The following SDK1 variants were observed in gnomAD, a reference collection of about 807,000 sequenced individuals.
SDK1 encodes the protein sidekick cell adhesion molecule 1, also known as protein sidekick-1.
A neutral mutation model predicts 245.5 loss-of-function variants in SDK1; 157 were observed. The ratio of observed to expected loss-of-function variants is 0.64; its 90% CI spans 0.56 to 0.73. The LOEUF (loss-of-function observed/expected upper bound fraction) is 0.73, where lower values mean the gene tolerates loss of function less well. Ranked by LOEUF, SDK1 falls within the 30% of genes least tolerant of loss-of-function variation. The probability of loss-of-function intolerance (pLI) is 0.00; values close to 1 mark genes in which losing one functional copy is unlikely to be tolerated. For missense variants in SDK1, 3,583 were observed against 3,002.3 expected, an observed-to-expected ratio of 1.19 and a Z score of -4.52; for synonymous variants, 1,647 against 1,278.5, an observed-to-expected ratio of 1.29 and a Z score of -6.15.
chr7:4,113,295 A>C lies in SDK1; in HGVS notation c.3441A>C (p.Arg1147=). Reference sequence around the variant, plus strand: ...TCAGTGGTTTTTCCTTTAGATTTCGAATGAAGCAAGTGAACATTGTTGGGC... The same window carrying C: ...TCAGTGGTTTTTCCTTTAGATTTCGCATGAAGCAAGTGAACATTGTTGGGC... ...NLTPYTHYRF[R]MKQVNIVGPS... is the part of the protein sequence containing the mutation. Residue 1147 remains arginine (R), a synonymous_variant, in exon 24 of 45, where the codon CGA becomes CGC. Coordinates refer to ENST00000404826, the MANE Select transcript of SDK1 (RefSeq NM_152744.4). 1 of 1,611,990 alleles carries C rather than the reference A, an allele frequency of 6.2e-7. No homozygotes were observed. Among genetic ancestry groups the C allele is most frequent in the Non-Finnish European group, 8.5e-7 (1 of 1,179,010 alleles).
chr7:4,248,336 C>G (rs1787043763), intron 44 of SDK1, among the ~76,000 whole-genome samples: 1 of 132,380 alleles, frequency 7.6e-6, no homozygotes, highest in Admixed American at 7.5e-5. Context: ...ACATATACAC[C>G]TGAATACATG....
chr7:3,844,953 A>G (rs1780240431), intron 5 of SDK1, among the ~76,000 whole-genome samples: 1 of 152,228 alleles, frequency 6.6e-6, no homozygotes, highest in South Asian at 2.1e-4. Flanking sequence ...TTTATTAGCT[A>G]GGATGTATGT....
intron 38 of SDK1, among the ~76,000 whole-genome samples, chr7:4,213,100 G>A (rs1247231775): frequency 6.6e-6 from 1 of 152,138 alleles, no homozygotes; most frequent in African/African-American, 2.4e-5. Context: ...CCAACATGGT[G>A]AAACCCCGTT....
In SDK1 at chr7:3,641,940, ACTT is replaced by A. The variant is rs1782663428; in HGVS notation, c.566-14_566-12del. ...AAAATGTTTTCTAGAACTTGAAAGCACTTCTTTTTCTCTGCAGATATGGGAAGT... is the reference window on the plus strand; with the variant it reads ...AAAATGTTTTCTAGAACTTGAAAGCACTTTTTCTCTGCAGATATGGGAAGT... On this transcript the variant is annotated splice_polypyrimidine_tract_variant and intron_variant, in intron 3 of 44. Transcript: ENST00000404826. 2 of 1,603,738 alleles carry A rather than the reference ACTT, an allele frequency of 1.2e-6. No homozygotes were observed. Among genetic ancestry groups the A allele is most frequent in the African/African-American group, 1.3e-5 (1 of 74,384 alleles).
chr7:4,106,752 G>A (rs573024422), intron 22 of SDK1, among the ~76,000 whole-genome samples: 43 of 152,112 alleles, frequency 2.8e-4, no homozygotes, highest in African/African-American at 9.4e-4. Context: ...TTTCTCTCCC[G>A]GGCAGCCTCC....
intron 1 of SDK1, among the ~76,000 whole-genome samples, chr7:3,561,244 G>A (rs1779741519): frequency 6.6e-6 from 1 of 152,104 alleles, no homozygotes; most frequent in Non-Finnish European, 1.5e-5. Context: ...TTTCTTCAAG[G>A]GCAGGGGGTT....
At chr7:4,234,053 A>AT (rs1785985092) in intron 41 of SDK1, among the ~76,000 whole-genome samples, 1 of 152,120 alleles carries the variant, frequency 6.6e-6, no homozygotes, top group South Asian at 2.1e-4. Context: ...AGCATGTGTG[A>AT]TTTTGGAGGG....
At chr7:3,678,580 A>G (rs1475332532) in intron 4 of SDK1, among the ~76,000 whole-genome samples, 2 of 152,220 alleles carry the variant, frequency 1.3e-5, no homozygotes, top group Non-Finnish European at 2.9e-5. Flanking sequence ...AGAATACGCA[A>G]ATTCATAAAG....
At chr7:3,535,026 C>T (rs1335083682) in intron 1 of SDK1, among the ~76,000 whole-genome samples, 1 of 152,184 alleles carries the variant, frequency 6.6e-6, no homozygotes, top group Admixed American at 6.5e-5. Flanking sequence ...GTAATCCCAG[C>T]ACTTTGGGAG....
intron 1 of SDK1, among the ~76,000 whole-genome samples, chr7:3,534,166 C>A (rs1470106385): frequency 6.6e-6 from 1 of 152,194 alleles, no homozygotes; most frequent in African/African-American, 2.4e-5. Flanking sequence ...TTCTCTTTGA[C>A]CAGGTTATTT....
At chr7:4,190,315 G>A (rs2128222342) in intron 35 of SDK1, among the ~76,000 whole-genome samples, 1 of 152,300 alleles carries the variant, frequency 6.6e-6, no homozygotes, top group Admixed American at 6.5e-5. Context: ...GGTGGGCTGT[G>A]CTGCGTACAG....
chr7:4,243,408 C>A (rs1786649855), intron 43 of SDK1, among the ~76,000 whole-genome samples: 1 of 152,126 alleles, frequency 6.6e-6, no homozygotes, highest in African/African-American at 2.4e-5. Context: ...AGCAATAGGA[C>A]CCTGTATTCA....
intron 4 of SDK1, among the ~76,000 whole-genome samples, chr7:3,671,664 C>G (rs1003649141): frequency 6.6e-6 from 1 of 152,112 alleles, no homozygotes; most frequent in African/African-American, 2.4e-5. Context: ...AGGAAGTTAA[C>G]TAATCAAACA....
chr7:3,884,083 GTT>G lies in SDK1; in HGVS notation c.847+62514_847+62515del, dbSNP rs529710738. Among the ~76,000 whole-genome samples the G allele has an allele frequency of 6.1e-3, 836 of 136,168 alleles. 6 individuals are homozygous for G. The highest frequency in any genetic ancestry group is 0.022 in the African/African-American group (769 of 34,976). The allele number at this position is 136,168 out of a possible 152,430, so 89.3% of individuals were successfully genotyped here. On this transcript the variant is annotated intron_variant, in intron 5 of 44. Coordinates refer to ENST00000404826, the MANE Select transcript of SDK1 (RefSeq NM_152744.4). ...TTGTTTTTTGTTTGTTTGTTTTTTT[GTT>G]TTTTTTTTTTTTTGAGACAGGGTCT...
chr7:4,198,157 C>T (rs1171390307), intron 35 of SDK1, among the ~76,000 whole-genome samples: 2 of 152,210 alleles, frequency 1.3e-5, no homozygotes, highest in East Asian at 1.9e-4. Flanking sequence ...TGTCACGTCA[C>T]CTGCCTCTGT....
At chr7:3,668,429 T>G (rs1235395645) in intron 4 of SDK1, among the ~76,000 whole-genome samples, 1 of 152,180 alleles carries the variant, frequency 6.6e-6, no homozygotes, top group Non-Finnish European at 1.5e-5. Flanking sequence ...CTTCAAAGAT[T>G]ATATGCTGGG....
intron 4 of SDK1, among the ~76,000 whole-genome samples, chr7:3,755,817 A>G (rs1403937662): frequency 2.6e-5 from 4 of 152,196 alleles, no homozygotes; most frequent in Non-Finnish European, 5.9e-5. Context: ...CATCTGACAC[A>G]TGCATGTTGT....
At chr7:3,881,238 C>T (rs1583507124) in intron 5 of SDK1, among the ~76,000 whole-genome samples, 2 of 152,150 alleles carry the variant, frequency 1.3e-5, no homozygotes, top group East Asian at 3.9e-4. Flanking sequence ...GTTATTCTTC[C>T]TGATGCTCTC....
At chr7:4,115,772 T>G (rs1017445974) in intron 25 of SDK1, among the ~76,000 whole-genome samples, 35 of 152,174 alleles carry the variant, frequency 2.3e-4, no homozygotes, top group Non-Finnish European at 1.0e-4. Context: ...TGTACTACAA[T>G]GCCGTGCAAA....
Sources: allele counts gnomAD v4.1 joint callset (sites outside exome capture counted in the v4.1 genomes callset), GRCh38; gene constraint gnomAD v4.1.1; transcripts MANE v1.5; gene names NCBI Gene and HGNC (gene_info 2026-07-23, HGNC 2026-07-21).